FARS2: variants seen among roughly 807,000 people sequenced by gnomAD.
FARS2 encodes the protein phenylalanine--tRNA ligase, mitochondrial.
FARS2 carries 40 observed loss-of-function variants against 46.4 expected under a neutral mutation model. That is an observed-to-expected ratio of 0.86 (90% CI 0.67 to 1.12). The LOEUF (loss-of-function observed/expected upper bound fraction) is 1.12. Ranked by LOEUF, FARS2 falls within the 50% of genes most tolerant of loss-of-function variation. The pLI is 0.00. For synonymous variants in FARS2, 234 were observed against 214.9 expected (o/e 1.09, Z -0.78); for missense variants, 513 against 567.9 (o/e 0.90, Z 0.98).
chr6:5,542,980 T>C (rs1194174662), intron 4 of FARS2, among the ~76,000 whole-genome samples: 2 of 152,202 alleles, frequency 1.3e-5, no homozygotes, highest in Non-Finnish European at 2.9e-5. Context: ...ATATTTGAAA[T>C]GTATTTTGTG....
intron 5 of FARS2, chr6:5,609,304 A>C: frequency 9.2e-7 from 1 of 1,086,472 alleles, no homozygotes; most frequent in Non-Finnish European, 1.4e-6. Context: ...GGTTTGGCAA[A>C]GTATTGGCCT....
At chr6:5,750,364 A>C (rs1403298021) in intron 6 of FARS2, among the ~76,000 whole-genome samples, 3 of 152,160 alleles carry the variant, frequency 2.0e-5, no homozygotes, top group Non-Finnish European at 4.4e-5. Flanking sequence ...CCAGCCCTGC[A>C]CCTGATGCAC....
chr6:5,414,959 C>T (rs545356338), intron 3 of FARS2, among the ~76,000 whole-genome samples: 53 of 151,486 alleles, frequency 3.5e-4, no homozygotes, highest in Middle Eastern at 6.8e-3. Context: ...AGATTACAGG[C>T]ACCCGCCACC....
intron 4 of FARS2, among the ~76,000 whole-genome samples, chr6:5,479,259 A>G (rs112466937): frequency 6.6e-6 from 1 of 152,172 alleles, no homozygotes; most frequent in African/African-American, 2.4e-5. Flanking sequence ...CTGCCTACAA[A>G]ATGTGTTGGG....
In FARS2 at chr6:5,354,576, C is replaced by T. The variant is rs145010987; in HGVS notation, c.-21-13974C>T. On this transcript the variant is annotated intron_variant, in intron 1 of 6. Transcript: ENST00000274680. ...TTGCCCAGGCTGGAGTGCAGTGGCACGATCTCTGCTCGCTGCAAGCTCCGC... is the reference window on the plus strand; with the variant it reads ...TTGCCCAGGCTGGAGTGCAGTGGCATGATCTCTGCTCGCTGCAAGCTCCGC... 2.5e-3 allele frequency among the ~76,000 whole-genome samples: 375 copies of T among 150,790 alleles called. 11 individuals are homozygous for T. In the East Asian group the frequency reaches 0.066, roughly 27 times the overall value.
intron 6 of FARS2, among the ~76,000 whole-genome samples, chr6:5,697,348 C>G (rs1475597769): frequency 2.0e-5 from 3 of 152,150 alleles, no homozygotes; most frequent in African/African-American, 7.2e-5. Context: ...ATAAGAGAAT[C>G]TGAGAATTCC....
chr6:5,409,889 G>A (rs139349012), intron 3 of FARS2, among the ~76,000 whole-genome samples: 55 of 152,280 alleles, frequency 3.6e-4, no homozygotes, highest in African/African-American at 1.2e-3. Context: ...TGTTGTAGAG[G>A]TGTGTGAGCT....
chr6:5,462,410 AT>A (rs1039438442), intron 4 of FARS2, among the ~76,000 whole-genome samples: 2 of 151,808 alleles, frequency 1.3e-5, no homozygotes, highest in African/African-American at 4.8e-5. Context: ...TAATTCATCC[AT>A]TTTTTTAATG....
At chr6:5,321,885 T>C (rs929639661) in intron 1 of FARS2, among the ~76,000 whole-genome samples, 4 of 152,208 alleles carry the variant, frequency 2.6e-5, no homozygotes, top group Admixed American at 2.6e-4. Context: ...ATGGGTGTTA[T>C]GACACACACA....
intron 6 of FARS2, among the ~76,000 whole-genome samples, chr6:5,685,445 T>C (rs1435306394): frequency 6.6e-6 from 1 of 152,182 alleles, no homozygotes; most frequent in Non-Finnish European, 1.5e-5. Context: ...GTTAGGCCTC[T>C]TTGCAACACC....
Position 5,481,568 on chromosome 6 carries a change from G to A in FARS2, c.904+50396G>A, listed in dbSNP as rs140455330. On this transcript the variant is annotated intron_variant, in intron 4 of 6. Coordinates refer to ENST00000274680, the MANE Select transcript of FARS2 (RefSeq NM_006567.5). ...GTAGTCTAGAATCTGTGCCCATTAAGTTGACTCTTTGAAAGAAAACAACAA... is the reference window on the plus strand; with the variant it reads ...GTAGTCTAGAATCTGTGCCCATTAAATTGACTCTTTGAAAGAAAACAACAA... Among the ~76,000 whole-genome samples, 17 of 152,336 alleles carry A rather than the reference G, an allele frequency of 1.1e-4. No homozygotes were observed. The East Asian group carries it at 3.3e-3, about 29-fold the overall frequency.
chr6:5,394,759 G>A (rs2250867), intron 2 of FARS2, among the ~76,000 whole-genome samples: 56,302 of 151,552 alleles, frequency 0.37, 12,094 homozygotes, highest in African/African-American at 0.6. Context: ...TTGTTAGTAA[G>A]GGACAGTGTT....
At chr6:5,414,809 C>CTTT (rs1473516505) in intron 3 of FARS2, among the ~76,000 whole-genome samples, 1 of 117,810 alleles carries the variant, frequency 8.5e-6, no homozygotes. Context: ...AGGTATATGA[C>CTTT]TGTTTTTTTT....
intron 3 of FARS2, among the ~76,000 whole-genome samples, chr6:5,405,446 C>G (rs980068859): frequency 2.8e-5 from 4 of 142,366 alleles, no homozygotes; most frequent in Non-Finnish European, 4.5e-5. Flanking sequence ...ATTATGTTAT[C>G]ATTACATGAG....
intron 4 of FARS2, among the ~76,000 whole-genome samples, chr6:5,532,867 C>T (rs919768286): frequency 2.6e-5 from 4 of 151,852 alleles, no homozygotes; most frequent in Admixed American, 6.6e-5. Flanking sequence ...TGGAAACATG[C>T]GAGTTCATTA....
At chr6:5,487,805 T>C (rs408705) in intron 4 of FARS2, among the ~76,000 whole-genome samples, 25,360 of 152,130 alleles carry the variant, frequency 0.17, 2,316 homozygotes, top group Non-Finnish European at 0.19. Context: ...GTGGTTTTTT[T>C]AGATCCTGCA....
At chr6:5,571,413 T>TA (rs1772638312) in intron 5 of FARS2, among the ~76,000 whole-genome samples, 1 of 152,174 alleles carries the variant, frequency 6.6e-6, no homozygotes, top group South Asian at 2.1e-4. Flanking sequence ...TTAAATCATA[T>TA]AAAAAAGAAA....
intron 2 of FARS2, among the ~76,000 whole-genome samples, chr6:5,384,203 C>G (rs540622109): frequency 2.6e-5 from 4 of 152,316 alleles, no homozygotes; most frequent in Non-Finnish European, 5.9e-5. Context: ...TTCTGATTCT[C>G]TGTAGAGGCC....
chr6:5,622,901 G>A lies in FARS2; in HGVS notation c.1217+9581G>A, dbSNP rs150028546. 7.9e-5 allele frequency among the ~76,000 whole-genome samples: 12 copies of A among 152,314 alleles called. No individual in the cohort carries two copies. The East Asian group carries it at 2.1e-3, about 27-fold the overall frequency. Reference sequence around the variant, plus strand: ...GAGGGAGACTTACTACATAATGCTTGCTGGATGGTTAACTAGTGCTTCTTC... The same window carrying A: ...GAGGGAGACTTACTACATAATGCTTACTGGATGGTTAACTAGTGCTTCTTC... On this transcript the variant is annotated intron_variant, in intron 6 of 6. Transcript: ENST00000274680.
Sources: allele counts gnomAD v4.1 joint callset (sites outside exome capture counted in the v4.1 genomes callset), GRCh38; gene constraint gnomAD v4.1.1; transcripts MANE v1.5; gene names NCBI Gene and HGNC (gene_info 2026-07-23, HGNC 2026-07-21).